SYTL2: variants seen among roughly 807,000 people sequenced by gnomAD.
SYTL2 encodes the protein synaptotagmin like 2.
Under a neutral mutation model 198.7 loss-of-function variants are expected in SYTL2, and 165 were observed. The ratio of observed to expected loss-of-function variants is 0.83; its 90% CI spans 0.73 to 0.94. The LOEUF is 0.94. SYTL2 is among the 40% of genes least tolerant of loss of function. The probability of loss-of-function intolerance (pLI) is 0.00; values close to 1 mark genes in which losing one functional copy is unlikely to be tolerated. For missense variants in SYTL2, 2,835 were observed against 2,582.8 expected (o/e 1.10, Z -2.12); for synonymous variants, 966 against 917.7 (o/e 1.05, Z -0.95).
intron 11 of SYTL2, 113 bp downstream of exon 11, chr11:85,717,370 G>C: frequency 1.2e-6 from 1 of 835,588 alleles, no homozygotes; most frequent in Non-Finnish European, 2.0e-6. Context: ...GCAAGCTGCA[G>C]GAGTTTAGTG....
At position 85,761,583 on chromosome 11, in the gene SYTL2, G is replaced by A. The variant is rs1176118660; in HGVS notation, c.-389-3469C>T. 3.9e-5 allele frequency among the ~76,000 whole-genome samples: 6 copies of A among 152,312 alleles called. No homozygotes were observed. The East Asian group carries it at 1.2e-3, about 29-fold the overall frequency. On this transcript the variant is annotated intron_variant, in intron 1 of 19. Transcript: ENST00000359152. ...TTAAAGAAAGCCAGACAAAAAGGCA[G>A]CAAACATTTACTTGGTCCCTTCTAC...
chr11:85,838,123 C>T, the SYTL2 span, among the ~76,000 whole-genome samples: 1 of 152,270 alleles, frequency 6.6e-6, no homozygotes, highest in South Asian at 2.1e-4. Context: ...CACTGTTAAG[C>T]CTTTAGTGGT....
intron 12 of SYTL2, among the ~76,000 whole-genome samples, chr11:85,713,472 A>T (rs1189744869): frequency 6.6e-6 from 1 of 152,198 alleles, no homozygotes; most frequent in Non-Finnish European, 1.5e-5. Flanking sequence ...TGTGTCCATG[A>T]TCACACAGAA....
intron 1 of SYTL2, among the ~76,000 whole-genome samples, chr11:85,808,098 GCT>G (rs2092983242): frequency 6.6e-6 from 1 of 152,046 alleles, no homozygotes; most frequent in African/African-American, 2.4e-5. Context: ...ATGGAGTCTT[GCT>G]CTGTCACCCA....
intron 1 of SYTL2, among the ~76,000 whole-genome samples, chr11:85,768,064 A>G (rs774712080): frequency 6.6e-6 from 1 of 152,190 alleles, no homozygotes; most frequent in Non-Finnish European, 1.5e-5. Context: ...ACAAGTGAGC[A>G]TCAGCACTTG....
Position 85,789,401 on chromosome 11 carries a change from A to ATT in SYTL2, c.-390+21551_-390+21552dup, listed in dbSNP as rs1160829204. On this transcript the variant is annotated intron_variant, in intron 1 of 19. Transcript: ENST00000359152. ...ATGTATATATATATATATATATATA[A>ATT]TTTTTTTTTTTTTTGTAGAGACAAA... Among the ~76,000 whole-genome samples the ATT allele has an allele frequency of 2.5e-3, 152 of 60,458 alleles. 2 individuals are homozygous for ATT. Among genetic ancestry groups the ATT allele is most frequent in the African/African-American group, 0.01 (142 of 13,834 alleles). The allele number at this position is 60,458 out of a possible 152,430, so 39.7% of individuals were successfully genotyped here.
intron 1 of SYTL2, among the ~76,000 whole-genome samples, chr11:85,792,753 G>T (rs1156260893): frequency 1.3e-5 from 2 of 151,728 alleles, no homozygotes; most frequent in Admixed American, 6.6e-5. Flanking sequence ...GCATTAGGTA[G>T]ATCTCCTAAA....
At chr11:85,775,115 CAGTGCAAAGCCTTTTT>C (rs1171881603) in intron 1 of SYTL2, among the ~76,000 whole-genome samples, 3 of 152,180 alleles carry the variant, frequency 2.0e-5, no homozygotes, top group African/African-American at 7.2e-5. Flanking sequence ...CCCTGCTGCC[CAGTGCAAAGCCTTTTT>C]AGAAACTAAA....
At chr11:85,815,129 G>A (rs1164243772), upstream of SYTL2, among the ~76,000 whole-genome samples, 6 of 152,122 alleles carry the variant, frequency 3.9e-5, no homozygotes, top group African/African-American at 1.4e-4. Context: ...CTAAATAAAT[G>A]CTTGATAAGT....
chr11:85,718,491 G>C, intron 10 of SYTL2: 1 of 342,700 alleles, frequency 2.9e-6, no homozygotes, highest in Non-Finnish European at 5.4e-6. Flanking sequence ...AGTTCTGCAA[G>C]TCAGAGTAGC....
chr11:85,742,310 T>A (rs1046877120), intron 4 of SYTL2, among the ~76,000 whole-genome samples: 1 of 152,234 alleles, frequency 6.6e-6, no homozygotes, highest in Non-Finnish European at 1.5e-5. Flanking sequence ...ACTTCTGAAG[T>A]GACAGCTTCT....
intron 15 of SYTL2, among the ~76,000 whole-genome samples, chr11:85,706,784 A>C (rs2085223828): frequency 6.6e-6 from 1 of 152,164 alleles, no homozygotes; most frequent in African/African-American, 2.4e-5. Context: ...TTATAAGATC[A>C]TTCTGGTTGC....
At chr11:85,771,418 T>A (rs2092352937) in intron 1 of SYTL2, among the ~76,000 whole-genome samples, 1 of 152,240 alleles carries the variant, frequency 6.6e-6, no homozygotes, top group African/African-American at 2.4e-5. Context: ...AAATCAGTAT[T>A]TCTTTCATTA....
rs1347865032 is a variant in SYTL2, at chr11:85,711,111, A to G, written c.5745+2T>C. ...ATTAATATGGAGCCTTTGTTTACAT[A>G]CAGAAGACAAGGACGTCATGCCAGA... On this transcript the variant is annotated splice_donor_variant, in intron 13 of 19. Coordinates refer to ENST00000359152, the MANE Select transcript of SYTL2 (RefSeq NM_206927.4). LOFTEE classifies it high-confidence loss of function. The G allele has an allele frequency of 6.2e-7, 1 of 1,613,902 alleles. No individual in the cohort carries two copies. The highest frequency in any genetic ancestry group is 1.7e-5 in the Admixed American group (1 of 59,964).
At chr11:85,716,792 A>G (rs2087343687) in intron 11 of SYTL2, 1 of 152,084 alleles carries the variant, frequency 6.6e-6, no homozygotes, top group Admixed American at 6.6e-5. Flanking sequence ...TGTCCTTAAG[A>G]TAGTAGTCAC....
upstream of SYTL2, among the ~76,000 whole-genome samples, chr11:85,811,995 T>A (rs2093040219): frequency 6.6e-6 from 1 of 152,096 alleles, no homozygotes; most frequent in African/African-American, 2.4e-5. Flanking sequence ...TAGTCCCAAC[T>A]ACTTAGGAAG....
At chr11:85,842,671 T>C in the SYTL2 span, among the ~76,000 whole-genome samples, 1 of 152,326 alleles carries the variant, frequency 6.6e-6, no homozygotes, top group South Asian at 2.1e-4. Context: ...GGACCTGACC[T>C]AGACCTGGGT....
the SYTL2 span, among the ~76,000 whole-genome samples, chr11:85,842,347 G>A: frequency 1.1e-4 from 16 of 152,176 alleles, no homozygotes; most frequent in Non-Finnish European, 1.9e-4. Flanking sequence ...TATTGGGGCC[G>A]GGGAATCGAT....
chr11:85,848,184 G>A, the SYTL2 span, among the ~76,000 whole-genome samples: 39 of 151,560 alleles, frequency 2.6e-4, no homozygotes, highest in Middle Eastern at 3.4e-3. Context: ...AGGCTACAAC[G>A]AGCCATTTCC....
Sources: gnomAD v4.1 joint callset for allele counts (sites outside exome capture counted in the v4.1 genomes callset) on GRCh38, gnomAD v4.1.1 for gene constraint, MANE v1.5 for transcripts, NCBI Gene and HGNC (gene_info 2026-07-23, HGNC 2026-07-21) for gene names.